The following PCNX1 variants were observed in gnomAD, a reference collection of about 807,000 sequenced individuals.
PCNX1 encodes pecanex-like protein 1.
A neutral mutation model predicts 242.2 loss-of-function variants in PCNX1; 78 were observed. The ratio of observed to expected loss-of-function variants is 0.32; its 90% CI spans 0.27 to 0.39. The LOEUF (loss-of-function observed/expected upper bound fraction) is 0.39. Among genes scored for constraint, PCNX1 ranks in the 10% least tolerant of loss-of-function variants. The pLI, the probability that PCNX1 is intolerant of heterozygous loss-of-function variation, is 1.00. For missense variants in PCNX1, 2,581 were observed against 2,856.5 expected (o/e 0.90, Z 2.20); for synonymous variants, 1,024 against 1,032.9 (o/e 0.99, Z 0.17).
chr14:70,922,148 A>G (rs1362409240), intron 1 of PCNX1, among the ~76,000 whole-genome samples: 1 of 152,220 alleles, frequency 6.6e-6, no homozygotes, highest in Non-Finnish European at 1.5e-5. Context: ...TATGGATAAT[A>G]GTACAACTTA....
intron 1 of PCNX1, among the ~76,000 whole-genome samples, chr14:70,909,024 C>T (rs1041450491): frequency 6.6e-6 from 1 of 152,110 alleles, no homozygotes; most frequent in Non-Finnish European, 1.5e-5. Context: ...TAGGAGAATT[C>T]CTTTGAATGT....
At chr14:70,938,664 C>A (rs920453798) in intron 1 of PCNX1, among the ~76,000 whole-genome samples, 1 of 152,160 alleles carries the variant, frequency 6.6e-6, no homozygotes, top group East Asian at 1.9e-4. Context: ...AGGGAGGATT[C>A]TCTCTTTTTC....
At chr14:71,091,660 A>G (rs2062134756) in intron 30 of PCNX1, among the ~76,000 whole-genome samples, 1 of 152,226 alleles carries the variant, frequency 6.6e-6, no homozygotes, top group African/African-American at 2.4e-5. Context: ...ACACACAGAA[A>G]TCTATTATAA....
Position 70,978,016 on chromosome 14 carries a change from G to T in PCNX1, c.1679G>T (p.Gly560Val), listed in dbSNP as rs368885272. 1 of 1,614,118 alleles carries T rather than the reference G, an allele frequency of 6.2e-7. No homozygotes were observed. The highest frequency in any genetic ancestry group is 8.5e-7 in the Non-Finnish European group (1 of 1,180,018). Residue 560 changes from glycine (G) to valine (V), a missense_variant, in exon 6 of 36, where the codon GGC (glycine) becomes GTC (valine). Gly to Val is a moderately radical substitution (Grantham distance 109). Around this residue, in one of 9 missense-constraint regions of PCNX1, gnomAD observed 1,204 missense variants for 1,216.7 expected, o/e 0.99. Coordinates refer to ENST00000304743, the MANE Select transcript of PCNX1 (RefSeq NM_014982.3). ...CGGACAGCTTCTGCCCACAAGTCAG[G>T]CAGGAGACGCACAGGAAAAAAACGG... ...IHRTASAHKSGRRRTGKKRAS... is the reference protein window; with the variant it reads ...IHRTASAHKSVRRRTGKKRAS...
At chr14:71,093,667 G>C (rs1389168659) in intron 30 of PCNX1, 1 of 152,212 alleles carries the variant, frequency 6.6e-6, no homozygotes. Context: ...TGTCAGAAAA[G>C]TACAATGTTT....
chr14:70,915,093 CAGT>C (rs1181587662), intron 1 of PCNX1, among the ~76,000 whole-genome samples: 62 of 152,272 alleles, frequency 4.1e-4, no homozygotes, highest in African/African-American at 1.5e-3. Context: ...GGTGTTGTAT[CAGT>C]AGCTTTTTTC....
intron 1 of PCNX1, 107 bp downstream of exon 1, chr14:70,908,110 GC>G: frequency 9.2e-7 from 1 of 1,082,146 alleles, no homozygotes; most frequent in Non-Finnish European, 1.3e-6. Flanking sequence ...CCCGGGGGCC[GC>G]CACCCTCTCG....
intron 12 of PCNX1, 140 bp from the exon 13 acceptor site, chr14:71,023,060 C>G: frequency 1.5e-6 from 1 of 670,624 alleles, no homozygotes; most frequent in East Asian, 2.6e-5. Flanking sequence ...TGTTTCATCT[C>G]TGGAACAGAA....
At chr14:71,047,269 T>A (rs1379102554) in intron 21 of PCNX1, among the ~76,000 whole-genome samples, 164 bp downstream of exon 21, 1 of 152,154 alleles carries the variant, frequency 6.6e-6, no homozygotes, top group East Asian at 1.9e-4. Context: ...TTTAAACATT[T>A]GTTTCTGCTG....
At chr14:70,993,463 A>G (rs1402562658) in intron 7 of PCNX1, among the ~76,000 whole-genome samples, 1 of 152,194 alleles carries the variant, frequency 6.6e-6, no homozygotes, top group Non-Finnish European at 1.5e-5. Context: ...AATTAAATTG[A>G]TAGTCAAAAC....
chr14:71,076,642 T>C (rs1247933422), intron 28 of PCNX1, among the ~76,000 whole-genome samples: 1 of 152,182 alleles, frequency 6.6e-6, no homozygotes, highest in Non-Finnish European at 1.5e-5. Flanking sequence ...TGTCCCAGTC[T>C]CACTGTCCAG....
At position 71,108,826 on chromosome 14, in the gene PCNX1, T is replaced by C; in HGVS notation, c.6524T>C (p.Met2175Thr). The change falls in exon 34 of 36, where the codon ATG becomes ACG. Residue 2175 changes from methionine (M) to threonine (T), a missense_variant. Met to Thr is a moderately conservative substitution (Grantham distance 81). Coordinates refer to ENST00000304743, the MANE Select transcript of PCNX1 (RefSeq NM_014982.3). ...IQSRLSMVNQ[M>T]EPSGQSGLAC... ...TCCCGACTGTCGATGGTGAACCAAA[T>C]GGAACCCTCAGGTCAGAGCGGCCTG... 1 of 1,614,260 alleles carries C rather than the reference T, an allele frequency of 6.2e-7. No individual in the cohort carries two copies. Among genetic ancestry groups the C allele is most frequent in the Non-Finnish European group, 8.5e-7 (1 of 1,180,040 alleles).
At chr14:71,024,754 G>C (rs2060194921) in intron 13 of PCNX1, among the ~76,000 whole-genome samples, 1 of 152,124 alleles carries the variant, frequency 6.6e-6, no homozygotes, top group Non-Finnish European at 1.5e-5. Context: ...GCGGAATGCT[G>C]TCCAATGCAT....
At chr14:71,018,398 T>C (rs2060012860) in intron 11 of PCNX1, among the ~76,000 whole-genome samples, 1 of 152,146 alleles carries the variant, frequency 6.6e-6, no homozygotes, top group South Asian at 2.1e-4. Context: ...GTCAATTTAA[T>C]AAATATAGAA....
intron 18 of PCNX1, 118 bp from the exon 19 acceptor site, chr14:71,035,947 T>A: frequency 1.6e-6 from 1 of 636,868 alleles, no homozygotes; most frequent in Non-Finnish European, 2.8e-6. Flanking sequence ...TTTTCTTTAA[T>A]ACTGACTGAG....
At chr14:70,982,020 A>G (rs2058853626) in intron 6 of PCNX1, among the ~76,000 whole-genome samples, 1 of 152,186 alleles carries the variant, frequency 6.6e-6, no homozygotes, top group Non-Finnish European at 1.5e-5. Flanking sequence ...ATCCTAATAT[A>G]ATATTGTGTT....
intron 1 of PCNX1, among the ~76,000 whole-genome samples, chr14:70,929,895 TGAGGACATTGACTTTCACCAG>T (rs1196127454): frequency 6.6e-6 from 1 of 152,222 alleles, no homozygotes; most frequent in East Asian, 1.9e-4. Context: ...ATTTTAATTA[TGAGGACATTGACTTTCACCAG>T]AATTTATAGA....
intron 1 of PCNX1, among the ~76,000 whole-genome samples, chr14:70,925,729 A>G (rs556575209): frequency 5.3e-5 from 8 of 152,278 alleles, no homozygotes; most frequent in African/African-American, 1.9e-4. Flanking sequence ...CATGCACCAT[A>G]TGCTTTCAAA....
intron 1 of PCNX1, among the ~76,000 whole-genome samples, chr14:70,919,000 C>T (rs1278374374): frequency 6.6e-6 from 1 of 151,784 alleles, no homozygotes; most frequent in Non-Finnish European, 1.5e-5. Context: ...CCTGTCTCAG[C>T]TTTCTGAGTA....
Sources: allele counts gnomAD v4.1 joint callset (sites outside exome capture counted in the v4.1 genomes callset), GRCh38; gene constraint gnomAD v4.1.1; regional missense constraint gnomAD v4.1.1; transcripts MANE v1.5; gene names NCBI Gene and HGNC (gene_info 2026-07-23, HGNC 2026-07-21).